Variants in C8orf34 observed in about 807,000 individuals in gnomAD.
C8orf34 encodes chromosome 8 open reading frame 34, also known as uncharacterized protein C8orf34.
C8orf34 carries 65 observed loss-of-function variants against 68.3 expected under a neutral mutation model. The ratio of observed to expected loss-of-function variants is 0.95; its 90% CI spans 0.78 to 1.17. The LOEUF is 1.17. Among genes scored for constraint, C8orf34 ranks in the 50% most tolerant of loss-of-function variants. The probability of loss-of-function intolerance (pLI) is 0.00; values close to 1 mark genes in which losing one functional copy is unlikely to be tolerated. For synonymous variants in C8orf34, 244 were observed against 241.2 expected, an observed-to-expected ratio of 1.01 and a Z score of -0.11; for missense variants, 664 against 655.4, an observed-to-expected ratio of 1.01 and a Z score of -0.14.
chr8:68,496,192 T>C (rs1307575068), intron 5 of C8orf34, among the ~76,000 whole-genome samples: 1 of 152,204 alleles, frequency 6.6e-6, no homozygotes, highest in African/African-American at 2.4e-5. Flanking sequence ...GCAAGATAAA[T>C]ATATATGAGA....
intron 7 of C8orf34, among the ~76,000 whole-genome samples, chr8:68,630,858 C>T (rs1818668645): frequency 6.6e-6 from 1 of 151,688 alleles, no homozygotes; most frequent in Non-Finnish European, 1.5e-5. Context: ...GAGCTCACTG[C>T]AGCCTCAACC....
At chr8:68,516,459 C>G (rs1431300044) in intron 5 of C8orf34, among the ~76,000 whole-genome samples, 1 of 152,022 alleles carries the variant, frequency 6.6e-6, no homozygotes, top group South Asian at 2.1e-4. Context: ...TGCTGAGAAC[C>G]AGTGGTCATA....
At chr8:68,779,963 CAT>C (rs913820638) in intron 11 of C8orf34, among the ~76,000 whole-genome samples, 11 of 152,044 alleles carry the variant, frequency 7.2e-5, no homozygotes, top group South Asian at 2.1e-4. Context: ...AAAATGAACA[CAT>C]GTGAAAGATT....
intron 7 of C8orf34, chr8:68,535,850 T>G (rs183035529): frequency 1.0e-6 from 1 of 981,018 alleles, no homozygotes; most frequent in Admixed American, 6.2e-5. Flanking sequence ...TATAATCATT[T>G]TAAGCACCTC....
At chr8:68,731,597 T>TC (rs1821979679) in intron 10 of C8orf34, among the ~76,000 whole-genome samples, 1 of 152,168 alleles carries the variant, frequency 6.6e-6, no homozygotes, top group Non-Finnish European at 1.5e-5. Flanking sequence ...TATTCTTTTT[T>TC]CCCACTATGG....
intron 1 of C8orf34, among the ~76,000 whole-genome samples, chr8:68,348,395 G>A (rs2129618392): frequency 6.6e-6 from 1 of 152,080 alleles, no homozygotes; most frequent in African/African-American, 2.4e-5. Flanking sequence ...GTTGGGTTAT[G>A]TGATGTCTCC....
chr8:68,468,297 T>C lies in C8orf34; in HGVS notation c.608-395T>C, dbSNP rs564561306. On this transcript the variant is annotated intron_variant, in intron 3 of 13. Coordinates refer to ENST00000518698, the MANE Select transcript of C8orf34 (RefSeq NM_052958.4). ...AGGACATGAAGATAAATACGTATAT[T>C]TAGCCTTCTATGAATGTCCTAAAAA... Among the ~76,000 whole-genome samples the C allele has an allele frequency of 2.6e-5, 4 of 152,196 alleles. No individual in the cohort carries two copies. The South Asian group carries it at 8.3e-4, about 31-fold the overall frequency.
intron 8 of C8orf34, among the ~76,000 whole-genome samples, chr8:68,689,120 G>A (rs753882341): frequency 6.6e-5 from 10 of 152,030 alleles, no homozygotes; most frequent in Non-Finnish European, 1.0e-4. Context: ...GGAGGTCATT[G>A]TTCTAAGTGA....
chr8:68,726,933 A>G (rs1488983212), intron 10 of C8orf34, among the ~76,000 whole-genome samples: 1 of 152,106 alleles, frequency 6.6e-6, no homozygotes, highest in Admixed American at 6.6e-5. Flanking sequence ...CAGCCAAACC[A>G]TATCATTCTA....
intron 8 of C8orf34, among the ~76,000 whole-genome samples, chr8:68,644,351 G>T (rs765047833): frequency 6.6e-6 from 1 of 152,136 alleles, no homozygotes; most frequent in Non-Finnish European, 1.5e-5. Context: ...TGGGCATGGT[G>T]TCAATTCCTA....
chr8:68,634,509 TA>T (rs934550732), intron 7 of C8orf34, among the ~76,000 whole-genome samples: 10 of 152,236 alleles, frequency 6.6e-5, no homozygotes, highest in African/African-American at 2.4e-4. Context: ...TCTATTATCA[TA>T]AACTTTCCAA....
At chr8:68,495,082 G>T (rs114058476) in intron 5 of C8orf34, among the ~76,000 whole-genome samples, 1 of 151,580 alleles carries the variant, frequency 6.6e-6, no homozygotes, top group Non-Finnish European at 1.5e-5. Context: ...TCTCAATAGC[G>T]AAGTACAGGA....
chr8:68,555,557 T>C (rs973637212), intron 7 of C8orf34, among the ~76,000 whole-genome samples: 1 of 152,152 alleles, frequency 6.6e-6, no homozygotes, highest in Non-Finnish European at 1.5e-5. Flanking sequence ...AATTTCAGTC[T>C]TCTATCTCCA....
intron 1 of C8orf34, among the ~76,000 whole-genome samples, chr8:68,379,297 G>A (rs114348831): frequency 9.3e-4 from 141 of 152,264 alleles, no homozygotes; most frequent in African/African-American, 2.5e-3. Flanking sequence ...TACTTCGGTT[G>A]TTAATTTCAG....
intron 8 of C8orf34, among the ~76,000 whole-genome samples, chr8:68,693,883 A>C (rs1820753082): frequency 6.6e-6 from 1 of 152,168 alleles, no homozygotes; most frequent in East Asian, 1.9e-4. Context: ...TCTGTTGTGG[A>C]TGGCTTTTAA....
At chr8:68,534,758 T>G (rs1815393324) in intron 7 of C8orf34, 1 of 985,322 alleles carries the variant, frequency 1.0e-6, no homozygotes. Flanking sequence ...GCAACTGAGA[T>G]CCAGGGTTTC....
At chr8:68,513,554 A>AAAACGTCTTCTAAAAGGAAT (rs1814371950) in intron 5 of C8orf34, among the ~76,000 whole-genome samples, 1 of 152,232 alleles carries the variant, frequency 6.6e-6, no homozygotes, top group Non-Finnish European at 1.5e-5. Flanking sequence ...TGGCCTAGTA[A>AAAACGTCTTCTAAAAGGAAT]AAACGTCTTC....
chr8:68,333,374 A>G (rs941139159), intron 1 of C8orf34, among the ~76,000 whole-genome samples: 8 of 152,222 alleles, frequency 5.3e-5, no homozygotes, highest in Admixed American at 2.6e-4. Context: ...CTTAGATTGC[A>G]GTGATGAGTA....
intron 1 of C8orf34, among the ~76,000 whole-genome samples, chr8:68,369,961 G>GT (rs1807487731): frequency 6.6e-6 from 1 of 152,154 alleles, no homozygotes; most frequent in African/African-American, 2.4e-5. Flanking sequence ...AGCTTTATGG[G>GT]TTGTCCAGGA....
Sources: allele counts gnomAD v4.1 joint callset (sites outside exome capture counted in the v4.1 genomes callset), GRCh38; gene constraint gnomAD v4.1.1; transcripts MANE v1.5; gene names NCBI Gene and HGNC (gene_info 2026-07-23, HGNC 2026-07-21).